POLR3G: variants seen among roughly 807,000 people sequenced by gnomAD.
POLR3G encodes the protein DNA-directed RNA polymerase III subunit RPC7.
In POLR3G, 28 loss-of-function variants were observed where a neutral mutation model predicts 30.1. The ratio of observed to expected loss-of-function variants is 0.93; its 90% CI spans 0.69 to 1.27. The LOEUF (loss-of-function observed/expected upper bound fraction) is 1.27. POLR3G is among the 50% of genes most tolerant of loss of function. POLR3G has a pLI of 0.00. For missense variants in POLR3G, 254 were observed against 264.6 expected (o/e 0.96, Z 0.28); for synonymous variants, 79 against 82.5 (o/e 0.96, Z 0.23).
In POLR3G at chr5:90,502,595, C is replaced by G. The variant is rs1332197005; in HGVS notation, c.438+607C>G. Among the ~76,000 whole-genome samples the G allele has an allele frequency of 3.3e-5, 5 of 152,024 alleles. No individual in the cohort carries two copies. In the East Asian group the frequency reaches 7.7e-4, roughly 23 times the overall value. On this transcript the variant is annotated intron_variant, in intron 6 of 7. Transcript: ENST00000651687. Reference sequence around the variant, plus strand: ...AAAATTTTCCCTCCTATTCCTGTCCCTAGTCATCCAGTTCCCTTCCTATAG... The same window carrying G: ...AAAATTTTCCCTCCTATTCCTGTCCGTAGTCATCCAGTTCCCTTCCTATAG...
rs189026125 is a variant in POLR3G, at chr5:90,513,378, C to T, written c.*1239C>T. On this transcript the variant is annotated 3_prime_UTR_variant, in exon 8 of 8. Coordinates refer to ENST00000651687, the MANE Select transcript of POLR3G (RefSeq NM_006467.3). ...GTTTCTGTGCCTTAGTTTCTCCACT[C>T]GTAAACAATTTCCTATAAAAATTGT... The T allele has an allele frequency of 2.0e-4, 30 of 152,650 alleles. No individual in the cohort carries two copies. In the East Asian group the frequency reaches 5.8e-3, roughly 29 times the overall value. The allele number at this position is 152,650 out of a possible 1,614,324, so 9.5% of individuals were successfully genotyped here.
chr5:90,474,104 C>G (rs1750643274), upstream of POLR3G: 2 of 1,576,990 alleles, frequency 1.3e-6, no homozygotes, highest in African/African-American at 2.7e-5. Context: ...CTCGGTCCTG[C>G]AAGAGGCCGG....
At chr5:90,486,326 G>C (rs1380892320) in intron 2 of POLR3G, among the ~76,000 whole-genome samples, 4 of 152,086 alleles carry the variant, frequency 2.6e-5, no homozygotes, top group African/African-American at 4.8e-5. Flanking sequence ...AAATATCTCA[G>C]GTATTGGCAT....
chr5:90,502,186 G>A (rs899580385), intron 6 of POLR3G, 198 bp downstream of exon 6: 69 of 985,130 alleles, frequency 7.0e-5, no homozygotes, highest in Non-Finnish European at 6.9e-5. Flanking sequence ...CCTGTCCTTC[G>A]TTACCACTCA....
intron 7 of POLR3G, among the ~76,000 whole-genome samples, chr5:90,508,922 G>C (rs528436631): frequency 1.3e-5 from 2 of 152,148 alleles, no homozygotes; most frequent in African/African-American, 4.8e-5. Context: ...TTAGCCAGGC[G>C]TGGTGGCGGG....
upstream of POLR3G, chr5:90,474,184 C>A: frequency 6.2e-7 from 1 of 1,607,898 alleles, no homozygotes; most frequent in African/African-American, 1.3e-5. Flanking sequence ...TGCTCGGAGC[C>A]GCGCACCAGC....
intron 2 of POLR3G, among the ~76,000 whole-genome samples, chr5:90,486,708 C>T (rs777700629): frequency 1.3e-5 from 2 of 152,212 alleles, no homozygotes; most frequent in Non-Finnish European, 2.9e-5. Flanking sequence ...CACCTCCATC[C>T]TCCATGCACT....
chr5:90,485,408 T>C, intron 1 of POLR3G, 117 bp from the exon 2 acceptor site: 1 of 599,828 alleles, frequency 1.7e-6, no homozygotes. Flanking sequence ...GTACATGTTT[T>C]GCTTTCCAAA....
intron 5 of POLR3G, 66 bp downstream of exon 5, chr5:90,497,772 G>A (rs1328106668): frequency 2.6e-6 from 4 of 1,535,480 alleles, no homozygotes; most frequent in African/African-American, 2.8e-5. Context: ...TGTTAATATG[G>A]ATTTGTCAAC....
intron 1 of POLR3G, among the ~76,000 whole-genome samples, chr5:90,482,095 A>G (rs1480645105): frequency 2.6e-5 from 4 of 152,224 alleles, no homozygotes; most frequent in Non-Finnish European, 5.9e-5. Flanking sequence ...ATTAAAGATG[A>G]CAAATCAACT....
In POLR3G at chr5:90,488,184, T is replaced by G. The variant is rs555119541; in HGVS notation, c.247+55T>G. The G allele has an allele frequency of 5.1e-6, 7 of 1,368,330 alleles. No individual in the cohort carries two copies. The East Asian group carries it at 1.8e-4, about 36-fold the overall frequency. 84.8% of individuals were successfully genotyped at this position (1,368,330 alleles called of 1,614,324 possible). On this transcript the variant is annotated intron_variant, in intron 3 of 7. Transcript: ENST00000651687. ...CTTAATGTATACAGATGAAACAGTG[T>G]TTAAGCACAAGATATATAATCATTT...
upstream of POLR3G, chr5:90,474,339 CT>C: frequency 6.5e-7 from 1 of 1,542,904 alleles, no homozygotes; most frequent in Non-Finnish European, 8.9e-7. Flanking sequence ...GCGTGCGAGT[CT>C]CCCACAGGCT....
At chr5:90,504,178 GA>G (rs1222582827) in intron 6 of POLR3G, among the ~76,000 whole-genome samples, 2 of 136,672 alleles carry the variant, frequency 1.5e-5, no homozygotes, top group Non-Finnish European at 3.0e-5. Flanking sequence ...TAAAGATGAG[GA>G]TTTTTTTTTT....
chr5:90,497,495 G>A (rs1752048562), intron 4 of POLR3G, among the ~76,000 whole-genome samples, 161 bp from the exon 5 acceptor site: 1 of 152,024 alleles, frequency 6.6e-6, no homozygotes, highest in African/African-American at 2.4e-5. Flanking sequence ...TGTAATATTT[G>A]GATTTGGTTT....
upstream of POLR3G, chr5:90,474,440 G>A: frequency 1.4e-6 from 1 of 706,248 alleles, no homozygotes; most frequent in Non-Finnish European, 2.4e-6. Context: ...GGGATGCGGG[G>A]GTCGGAATAG....
intron 6 of POLR3G, 40 bp downstream of exon 6, chr5:90,502,028 T>C: frequency 6.3e-7 from 1 of 1,594,310 alleles, no homozygotes; most frequent in Non-Finnish European, 8.5e-7. Context: ...ACTGAAAAAA[T>C]GTAAAAGATC....
intron 1 of POLR3G, among the ~76,000 whole-genome samples, chr5:90,479,603 A>ATTT (rs879581200): frequency 1.3e-5 from 2 of 148,830 alleles, no homozygotes; most frequent in Non-Finnish European, 3.0e-5. Flanking sequence ...ATCACCTGAA[A>ATTT]TTTTTTTTTT....
chr5:90,491,036 G>A (rs1215587837), intron 3 of POLR3G, among the ~76,000 whole-genome samples: 3 of 152,080 alleles, frequency 2.0e-5, no homozygotes, highest in African/African-American at 7.2e-5. Flanking sequence ...TAGACACTAG[G>A]ACAGACAAAT....
intron 1 of POLR3G, among the ~76,000 whole-genome samples, chr5:90,479,552 G>A (rs529014130): frequency 6.6e-6 from 1 of 152,226 alleles, no homozygotes; most frequent in East Asian, 1.9e-4. Flanking sequence ...CCCAAAAGTG[G>A]TATTCTATTT....
Sources: allele counts gnomAD v4.1 joint callset (sites outside exome capture counted in the v4.1 genomes callset), GRCh38; gene constraint gnomAD v4.1.1; transcripts MANE v1.5; gene names NCBI Gene and HGNC (gene_info 2026-07-23, HGNC 2026-07-21).